Variants in SIAH3 observed in about 807,000 individuals in gnomAD.
SIAH3 encodes seven in absentia homolog 3.
Under a neutral mutation model 12.6 loss-of-function variants are expected in SIAH3, and 9 were observed. That is an observed-to-expected ratio of 0.72 (90% CI 0.43 to 1.25). The LOEUF (loss-of-function observed/expected upper bound fraction) is 1.25, where lower values mean the gene tolerates loss of function less well. Ranked by LOEUF, SIAH3 falls within the 50% of genes most tolerant of loss-of-function variation. The pLI, the probability that SIAH3 is intolerant of heterozygous loss-of-function variation, is 0.00. For synonymous variants in SIAH3, 154 were observed against 151.1 expected (o/e 1.02, Z -0.14); for missense variants, 390 against 365.4 (o/e 1.07, Z -0.55).
At chr13:45,831,555 T>C (rs1950699326) in intron 1 of SIAH3, among the ~76,000 whole-genome samples, 1 of 152,156 alleles carries the variant, frequency 6.6e-6, no homozygotes, top group Non-Finnish European at 1.5e-5. Flanking sequence ...GGGGAAGCTA[T>C]GGTGGGCAAG....
intron 1 of SIAH3, among the ~76,000 whole-genome samples, chr13:45,842,761 C>G (rs1950744791): frequency 6.6e-6 from 1 of 152,200 alleles, no homozygotes; most frequent in African/African-American, 2.4e-5. Flanking sequence ...AAACCCAGAT[C>G]TGACTCCAAA....
chr13:45,834,173 T>G (rs966661473), intron 1 of SIAH3, among the ~76,000 whole-genome samples: 3 of 152,216 alleles, frequency 2.0e-5, no homozygotes, highest in South Asian at 2.1e-4. Flanking sequence ...GAATGCCAAT[T>G]TCTTACTAGA....
At chr13:45,840,908 C>A (rs1048871595) in intron 1 of SIAH3, among the ~76,000 whole-genome samples, 1 of 152,100 alleles carries the variant, frequency 6.6e-6, no homozygotes, top group African/African-American at 2.4e-5. Context: ...AGATTTTTGA[C>A]CTTTTTCTGT....
chr13:45,780,041 C>T lies in SIAH3; in HGVS notation c.*3342G>A, dbSNP rs1324120682. The T allele has an allele frequency of 1.3e-5, 2 of 152,244 alleles. No homozygotes were observed. The highest frequency in any genetic ancestry group is 2.4e-5 in the African/African-American group (1 of 41,468). 9.4% of individuals were successfully genotyped at this position (152,244 alleles called of 1,614,324 possible). ...TTTCACTGTTAAGTGCGCTGTCTCT[C>T]TAGGCCTTCTTTTAAAAGGCAATTA... On this transcript the variant is annotated 3_prime_UTR_variant, in exon 2 of 2. Transcript: ENST00000400405.
At chr13:45,841,979 A>G (rs3943752) in intron 1 of SIAH3, among the ~76,000 whole-genome samples, 91,628 of 152,114 alleles carry the variant, frequency 0.6, 29,351 homozygotes, top group African/African-American at 0.79. Flanking sequence ...TAACCAAAGT[A>G]CCATCCCCAG....
chr13:45,814,905 T>C (rs1036108603), intron 1 of SIAH3, among the ~76,000 whole-genome samples: 1 of 151,832 alleles, frequency 6.6e-6, no homozygotes, highest in African/African-American at 2.4e-5. Context: ...TTATTTTTGG[T>C]AGAGATGGGG....
At chr13:45,834,025 G>C (rs181490796) in intron 1 of SIAH3, among the ~76,000 whole-genome samples, 1 of 151,948 alleles carries the variant, frequency 6.6e-6, no homozygotes, top group Admixed American at 6.6e-5. Flanking sequence ...AAAAAAGAAG[G>C]GGAAAAAAAA....
intron 1 of SIAH3, among the ~76,000 whole-genome samples, chr13:45,802,201 G>T (rs1950584683): frequency 6.6e-6 from 1 of 152,140 alleles, no homozygotes; most frequent in Non-Finnish European, 1.5e-5. Flanking sequence ...AGCTGCTCTG[G>T]AGGCTGAGGC....
At chr13:45,823,427 A>C (rs551275855) in intron 1 of SIAH3, among the ~76,000 whole-genome samples, 1 of 152,264 alleles carries the variant, frequency 6.6e-6, no homozygotes, top group South Asian at 2.1e-4. Context: ...AGTCTGCCCT[A>C]TTTTCCCAGG....
At chr13:45,847,523 C>T (rs1367135226) in intron 1 of SIAH3, among the ~76,000 whole-genome samples, 1 of 152,118 alleles carries the variant, frequency 6.6e-6, no homozygotes, top group East Asian at 1.9e-4. Context: ...CACGTGGATG[C>T]ATCAACAAAT....
chr13:45,800,242 A>G (rs1213430659), intron 1 of SIAH3, among the ~76,000 whole-genome samples: 1 of 151,892 alleles, frequency 6.6e-6, no homozygotes, highest in South Asian at 2.1e-4. Context: ...TTTTTTTTCT[A>G]CTTGATATCT....
intron 1 of SIAH3, among the ~76,000 whole-genome samples, chr13:45,792,252 G>C (rs906110809): frequency 6.6e-6 from 1 of 152,112 alleles, no homozygotes; most frequent in East Asian, 1.9e-4. Flanking sequence ...GTGTTAGCTT[G>C]CCTTTGTAAG....
At chr13:45,809,560 T>G (rs9590932) in intron 1 of SIAH3, among the ~76,000 whole-genome samples, 46,201 of 152,172 alleles carry the variant, frequency 0.3, 8,307 homozygotes, top group Non-Finnish European at 0.41. Flanking sequence ...ATTACTGGGC[T>G]GGAAAGACCC....
intron 1 of SIAH3, 112 bp from the exon 2 acceptor site, chr13:45,784,169 AG>A: frequency 9.7e-7 from 1 of 1,027,522 alleles, no homozygotes; most frequent in Non-Finnish European, 1.4e-6. Context: ...AGGCTGAGAA[AG>A]GTTCATTTCT....
At position 45,784,096 on chromosome 13, in the gene SIAH3, C is replaced by T. The variant is rs766852593; in HGVS notation, c.136-39G>A. ...GAAGAACGTCAGTGCGGGGATGAGGCCCACTCTCCCAGGCCGCCACTCCCC... is the reference window on the plus strand; with the variant it reads ...GAAGAACGTCAGTGCGGGGATGAGGTCCACTCTCCCAGGCCGCCACTCCCC... On this transcript the variant is annotated intron_variant, in intron 1 of 1. Coordinates refer to ENST00000400405, the MANE Select transcript of SIAH3 (RefSeq NM_198849.3). 7 of 1,518,704 alleles carry T rather than the reference C, an allele frequency of 4.6e-6. No individual in the cohort carries two copies. The African/African-American group carries it at 9.7e-5, about 21-fold the overall frequency. The allele number at this position is 1,518,704 out of a possible 1,614,324, so 94.1% of individuals were successfully genotyped here.
chr13:45,816,865 T>TATTGCCA (rs1950636543), intron 1 of SIAH3, among the ~76,000 whole-genome samples: 5 of 152,190 alleles, frequency 3.3e-5, no homozygotes, highest in African/African-American at 1.2e-4. Context: ...ATGGAGTGAT[T>TATTGCCA]ATTGCCAACC....
Position 45,778,109 on chromosome 13 carries a change from T to A in SIAH3, c.*5274A>T, listed in dbSNP as rs1950490671. Reference sequence around the variant, plus strand: ...TCATGTGACATTCCTTGGCTCATTATGTTTTCTGTCCCTCAGCTTCATGCT... The same window carrying A: ...TCATGTGACATTCCTTGGCTCATTAAGTTTTCTGTCCCTCAGCTTCATGCT... On this transcript the variant is annotated 3_prime_UTR_variant, in exon 2 of 2. Coordinates refer to ENST00000400405, the MANE Select transcript of SIAH3 (RefSeq NM_198849.3). 1 of 152,244 alleles carries A rather than the reference T, an allele frequency of 6.6e-6. No homozygotes were observed. The highest frequency in any genetic ancestry group is 1.5e-5 in the Non-Finnish European group (1 of 68,040). 9.4% of individuals were successfully genotyped at this position (152,244 alleles called of 1,614,324 possible).
At chr13:45,810,755 T>C (rs1467266887) in intron 1 of SIAH3, among the ~76,000 whole-genome samples, 1 of 152,244 alleles carries the variant, frequency 6.6e-6, no homozygotes, top group Non-Finnish European at 1.5e-5. Flanking sequence ...TGGTCAGTTA[T>C]GGATGGCTCT....
At chr13:45,810,208 A>G (rs1950611702) in intron 1 of SIAH3, among the ~76,000 whole-genome samples, 1 of 152,178 alleles carries the variant, frequency 6.6e-6, no homozygotes, top group Non-Finnish European at 1.5e-5. Context: ...TGGACTACCC[A>G]AAGGAGATCA....
Sources: gnomAD v4.1 joint callset for allele counts (sites outside exome capture counted in the v4.1 genomes callset) on GRCh38, gnomAD v4.1.1 for gene constraint, MANE v1.5 for transcripts, NCBI Gene and HGNC (gene_info 2026-07-23, HGNC 2026-07-21) for gene names.